ADAMTSL1: variants seen among roughly 807,000 people sequenced by gnomAD.
The protein encoded by ADAMTSL1 is ADAMTS-like protein 1.
A neutral mutation model predicts 201.8 loss-of-function variants in ADAMTSL1; 126 were observed. That is an observed-to-expected ratio of 0.62 (90% CI 0.54 to 0.72). The LOEUF is 0.72. Ranked by LOEUF, ADAMTSL1 falls within the 30% of genes least tolerant of loss-of-function variation. ADAMTSL1 has a pLI of 0.00. For synonymous variants in ADAMTSL1, 1,121 were observed against 903.4 expected, an observed-to-expected ratio of 1.24 and a Z score of -4.32; for missense variants, 2,679 against 2,277.8, an observed-to-expected ratio of 1.18 and a Z score of -3.59.
At chr9:18,548,553 C>T (rs189349591) in intron 3 of ADAMTSL1, among the ~76,000 whole-genome samples, 162 of 152,114 alleles carry the variant, frequency 1.1e-3, no homozygotes, top group Non-Finnish European at 1.6e-3. Flanking sequence ...TAAAAAGAAA[C>T]ATACATTAAA....
chr9:18,632,116 G>A (rs1395229803), intron 5 of ADAMTSL1, among the ~76,000 whole-genome samples: 1 of 152,186 alleles, frequency 6.6e-6, no homozygotes. Flanking sequence ...AATCACCAAG[G>A]AGGCAGGTGT....
intron 1 of ADAMTSL1, among the ~76,000 whole-genome samples, chr9:17,940,206 A>G (rs1322546381): frequency 6.6e-6 from 1 of 152,166 alleles, no homozygotes; most frequent in Non-Finnish European, 1.5e-5. Context: ...GTGTTTTAGC[A>G]TAATGAAATG....
chr9:18,290,642 A>G (rs1376695930), intron 2 of ADAMTSL1, among the ~76,000 whole-genome samples: 1 of 152,066 alleles, frequency 6.6e-6, no homozygotes, highest in East Asian at 1.9e-4. Flanking sequence ...CCATGCAGCT[A>G]GAATCTATGC....
intron 1 of ADAMTSL1, among the ~76,000 whole-genome samples, chr9:17,984,954 A>T (rs2131477542): frequency 6.6e-6 from 1 of 152,246 alleles, no homozygotes; most frequent in South Asian, 2.1e-4. Flanking sequence ...ATCTAATCAT[A>T]GTTGCCTTAA....
intron 1 of ADAMTSL1, among the ~76,000 whole-genome samples, chr9:18,032,387 G>C (rs1229647959): frequency 6.6e-6 from 1 of 152,206 alleles, no homozygotes. Context: ...ACTGAGTACT[G>C]GCTGTGCTGA....
At chr9:18,633,935 T>C (rs2132756885) in intron 5 of ADAMTSL1, among the ~76,000 whole-genome samples, 1 of 152,258 alleles carries the variant, frequency 6.6e-6, no homozygotes, top group Non-Finnish European at 1.5e-5. Flanking sequence ...TCAATCCCTG[T>C]CCTTTAAGAG....
At chr9:18,753,774 A>C (rs953353272) in intron 16 of ADAMTSL1, among the ~76,000 whole-genome samples, 3 of 152,226 alleles carry the variant, frequency 2.0e-5, no homozygotes, top group Admixed American at 2.0e-4. Flanking sequence ...TTTATGACAA[A>C]GCTGTCACAA....
At chr9:18,293,094 C>CT (rs1833337578) in intron 2 of ADAMTSL1, among the ~76,000 whole-genome samples, 1 of 152,250 alleles carries the variant, frequency 6.6e-6, no homozygotes, top group East Asian at 1.9e-4. Flanking sequence ...CAGACATGAT[C>CT]TTATTCTTCT....
chr9:18,219,147 G>A (rs544871515), intron 2 of ADAMTSL1, among the ~76,000 whole-genome samples: 23 of 151,548 alleles, frequency 1.5e-4, no homozygotes, highest in African/African-American at 3.4e-4. Context: ...AATGAATCCC[G>A]CCATATTATT....
At chr9:18,088,637 C>T (rs144072325) in intron 1 of ADAMTSL1, among the ~76,000 whole-genome samples, 4 of 152,200 alleles carry the variant, frequency 2.6e-5, no homozygotes, top group African/African-American at 7.2e-5. Context: ...TGCTCAGTGT[C>T]GGTAATCATC....
At chr9:17,945,807 G>C (rs1290712496) in intron 1 of ADAMTSL1, among the ~76,000 whole-genome samples, 1 of 122,428 alleles carries the variant, frequency 8.2e-6, no homozygotes, top group Non-Finnish European at 1.6e-5. Flanking sequence ...CACACTCTGG[G>C]GACTGTTGTG....
chr9:18,536,859 T>C (rs1819805096), intron 3 of ADAMTSL1, among the ~76,000 whole-genome samples: 1 of 152,208 alleles, frequency 6.6e-6, no homozygotes, highest in African/African-American at 2.4e-5. Context: ...AAACCTCAAA[T>C]TTGAACCCCT....
intron 2 of ADAMTSL1, among the ~76,000 whole-genome samples, chr9:18,197,677 C>T (rs1367854202): frequency 1.3e-5 from 2 of 150,432 alleles, no homozygotes; most frequent in Non-Finnish European, 3.0e-5. Context: ...TTATTTCCTT[C>T]TCCTGCCTAA....
At chr9:18,553,139 T>C (rs1323427666) in intron 3 of ADAMTSL1, among the ~76,000 whole-genome samples, 1 of 151,444 alleles carries the variant, frequency 6.6e-6, no homozygotes, top group Non-Finnish European at 1.5e-5. Flanking sequence ...CATCTTACTT[T>C]CTGATCTCTA....
intron 2 of ADAMTSL1, among the ~76,000 whole-genome samples, chr9:18,294,709 C>A (rs1833404829): frequency 6.6e-6 from 1 of 152,060 alleles, no homozygotes; most frequent in Non-Finnish European, 1.5e-5. Context: ...AGCTGTGCAC[C>A]CCCTTCTCTC....
chr9:18,103,401 T>C (rs561068658), intron 1 of ADAMTSL1, among the ~76,000 whole-genome samples: 2 of 152,282 alleles, frequency 1.3e-5, no homozygotes, highest in South Asian at 4.2e-4. Flanking sequence ...TTGTAATCTT[T>C]TCAGGGGATT....
At chr9:18,502,415 G>A (rs1417148407) in intron 1 of ADAMTSL1, among the ~76,000 whole-genome samples, 1 of 152,154 alleles carries the variant, frequency 6.6e-6, no homozygotes, top group East Asian at 1.9e-4. Context: ...CTATTCACAT[G>A]CGGCAAACAA....
At chr9:18,798,114 G>C (rs1302874682) in intron 20 of ADAMTSL1, among the ~76,000 whole-genome samples, 1 of 151,318 alleles carries the variant, frequency 6.6e-6, no homozygotes, top group Non-Finnish European at 1.5e-5. Flanking sequence ...AAAAAACTTT[G>C]AGCCTCAAGA....
intron 11 of ADAMTSL1, 115 bp from the exon 12 acceptor site, chr9:18,681,697 T>TGTGTGGGA (rs370940110): frequency 1.2e-5 from 3 of 240,318 alleles, no homozygotes; most frequent in African/African-American, 6.5e-5. Flanking sequence ...AGTCCTCGTG[T>TGTGTGGGA]GGGGGGGGGG....
Sources: gnomAD v4.1 joint callset for allele counts (sites outside exome capture counted in the v4.1 genomes callset) on GRCh38, gnomAD v4.1.1 for gene constraint, MANE v1.5 for transcripts, NCBI Gene and HGNC (gene_info 2026-07-23, HGNC 2026-07-21) for gene names.